CTNNA2: variants seen among roughly 807,000 people sequenced by gnomAD.
CTNNA2 encodes catenin alpha-2.
CTNNA2 carries 42 observed loss-of-function variants against 101.0 expected under a neutral mutation model. The ratio of observed to expected loss-of-function variants is 0.42; its 90% CI spans 0.32 to 0.54. CTNNA2 has a LOEUF of 0.54. Among genes scored for constraint, CTNNA2 ranks in the 20% least tolerant of loss-of-function variants. CTNNA2 has a pLI of 0.14. For synonymous variants in CTNNA2, 450 were observed against 456.4 expected, an observed-to-expected ratio of 0.99 and a Z score of 0.18; for missense variants, 871 against 1,223.1, an observed-to-expected ratio of 0.71 and a Z score of 4.29.
intron 12 of CTNNA2, among the ~76,000 whole-genome samples, chr2:80,557,349 T>G (rs1693133342): frequency 6.6e-6 from 1 of 152,042 alleles, no homozygotes; most frequent in African/African-American, 2.4e-5. Flanking sequence ...TATAAAAAGG[T>G]ATTTTTTTCC....
chr2:79,823,180 T>C (rs1678154502), intron 3 of CTNNA2, among the ~76,000 whole-genome samples: 1 of 152,234 alleles, frequency 6.6e-6, no homozygotes, highest in Non-Finnish European at 1.5e-5. Context: ...TCTGCCTGTC[T>C]TCCCTAGTAG....
intron 7 of CTNNA2, among the ~76,000 whole-genome samples, chr2:80,099,061 G>A (rs558933494): frequency 6.6e-6 from 1 of 151,880 alleles, no homozygotes; most frequent in African/African-American, 2.4e-5. Flanking sequence ...CGGTACCTCA[G>A]TTGGAAATGC....
At chr2:80,458,930 G>C (rs1559127426) in intron 9 of CTNNA2, among the ~76,000 whole-genome samples, 1 of 152,162 alleles carries the variant, frequency 6.6e-6, no homozygotes, top group Admixed American at 6.5e-5. Flanking sequence ...AAATTATAAT[G>C]AAGCTGCCCT....
At chr2:80,589,778 T>G (rs1334254126) in intron 15 of CTNNA2, among the ~76,000 whole-genome samples, 2 of 152,200 alleles carry the variant, frequency 1.3e-5, no homozygotes, top group African/African-American at 4.8e-5. Context: ...CTTTGGTCTG[T>G]GCTATTTTGC....
upstream of CTNNA2, among the ~76,000 whole-genome samples, chr2:79,511,693 C>G (rs1671546729): frequency 6.6e-6 from 1 of 152,084 alleles, no homozygotes; most frequent in African/African-American, 2.4e-5. Flanking sequence ...ACAGAGGTAT[C>G]CCTCTCCAGT....
intron 13 of CTNNA2, chr2:80,576,543 T>G (rs1249156329): frequency 6.6e-6 from 1 of 152,032 alleles, no homozygotes; most frequent in Non-Finnish European, 1.5e-5. Flanking sequence ...ACAAATTCAC[T>G]GTGAACACGA....
intron 1 of CTNNA2, among the ~76,000 whole-genome samples, chr2:79,575,001 C>T (rs926339588): frequency 2.0e-5 from 3 of 152,054 alleles, no homozygotes; most frequent in African/African-American, 7.2e-5. Context: ...TTGTTGGTTT[C>T]GTGTATGTCT....
chr2:79,308,196 C>G (rs1446581478), intron 2 of CTNNA2, among the ~76,000 whole-genome samples: 1 of 152,106 alleles, frequency 6.6e-6, no homozygotes. Context: ...AGGTGCCCAT[C>G]ACCATGCCTG....
intron 4 of CTNNA2, among the ~76,000 whole-genome samples, chr2:79,451,581 A>T (rs1196955541): frequency 6.6e-6 from 1 of 151,914 alleles, no homozygotes; most frequent in Admixed American, 6.6e-5. Flanking sequence ...ATACTGAGTG[A>T]TTTTCCTAAA....
chr2:79,578,251 A>C (rs1037405603), intron 1 of CTNNA2, among the ~76,000 whole-genome samples: 1 of 151,988 alleles, frequency 6.6e-6, no homozygotes, highest in Non-Finnish European at 1.5e-5. Context: ...TCTTTTTTTA[A>C]TATGTAGAAT....
chr2:80,007,681 A>G (rs1440239903), intron 7 of CTNNA2, among the ~76,000 whole-genome samples: 1 of 152,156 alleles, frequency 6.6e-6, no homozygotes, highest in Non-Finnish European at 1.5e-5. Flanking sequence ...GCTTTCTTTA[A>G]CAGTTCTCAT....
intron 1 of CTNNA2, among the ~76,000 whole-genome samples, chr2:79,526,843 T>G (rs1405708091): frequency 6.6e-6 from 1 of 152,086 alleles, no homozygotes; most frequent in Non-Finnish European, 1.5e-5. Context: ...GACTTCAATA[T>G]GCATTATAGA....
rs960534948 is a variant in CTNNA2, at chr2:80,535,886, G to A, written c.1291-9096G>A. On this transcript the variant is annotated intron_variant, in intron 9 of 18. Transcript: ENST00000402739. ...TTCCATAATACCTCAGCAGGAAAGC[G>A]AGACAACTCCTACAATATTCTTCTG... 6.6e-5 allele frequency among the ~76,000 whole-genome samples: 10 copies of A among 152,140 alleles called. No homozygotes were observed. The East Asian group carries it at 9.7e-4, about 15-fold the overall frequency.
intron 3 of CTNNA2, among the ~76,000 whole-genome samples, chr2:79,340,946 C>T (rs1316654010): frequency 6.8e-6 from 1 of 147,934 alleles, no homozygotes; most frequent in African/African-American, 2.5e-5. Context: ...ATCACAATTG[C>T]TTAAACATTC....
At chr2:79,227,526 G>A (rs1458735106) in intron 2 of CTNNA2, among the ~76,000 whole-genome samples, 1 of 152,072 alleles carries the variant, frequency 6.6e-6, no homozygotes, top group Non-Finnish European at 1.5e-5. Context: ...ATACCTCAGA[G>A]ATACTGCAAG....
At chr2:80,647,367 A>C (rs1179328129) in intron 18 of CTNNA2, among the ~76,000 whole-genome samples, 1 of 152,028 alleles carries the variant, frequency 6.6e-6, no homozygotes, top group Non-Finnish European at 1.5e-5. Flanking sequence ...ACTTTGGAAA[A>C]CTTTTGTTAC....
At chr2:79,812,410 T>C (rs1677116804) in intron 3 of CTNNA2, among the ~76,000 whole-genome samples, 2 of 152,164 alleles carry the variant, frequency 1.3e-5, no homozygotes, top group South Asian at 4.1e-4. Flanking sequence ...AAATCTCCTA[T>C]TGCATGTTTG....
At chr2:79,708,529 C>A (rs1474813221) in intron 2 of CTNNA2, among the ~76,000 whole-genome samples, 1 of 152,088 alleles carries the variant, frequency 6.6e-6, no homozygotes, top group African/African-American at 2.4e-5. Context: ...AATAAACATT[C>A]AAAATGGTTC....
chr2:79,525,337 T>C (rs1366662894), intron 1 of CTNNA2, among the ~76,000 whole-genome samples: 1 of 151,978 alleles, frequency 6.6e-6, no homozygotes, highest in East Asian at 1.9e-4. Context: ...ATCACGAAAA[T>C]GGTTATTTTG....
Sources: allele counts gnomAD v4.1 joint callset (sites outside exome capture counted in the v4.1 genomes callset), GRCh38; gene constraint gnomAD v4.1.1; transcripts MANE v1.5; gene names NCBI Gene and HGNC (gene_info 2026-07-23, HGNC 2026-07-21).